ADAMTS14: variants seen among roughly 807,000 people sequenced by gnomAD.
ADAMTS14 encodes the protein A disintegrin and metalloproteinase with thrombospondin motifs 14.
A neutral mutation model predicts 128.6 loss-of-function variants in ADAMTS14; 100 were observed. The observed-to-expected ratio is 0.78, with a 90% CI of 0.66 to 0.92. The LOEUF is 0.92. Ranked by LOEUF, ADAMTS14 falls within the 40% of genes least tolerant of loss-of-function variation. The pLI is 0.00. For missense variants in ADAMTS14, 1,562 were observed against 1,658.6 expected (o/e 0.94, Z 1.01); for synonymous variants, 665 against 653.8 (o/e 1.02, Z -0.26).
chr10:70,732,450 C>T (rs1018739378), intron 7 of ADAMTS14, 91 bp downstream of exon 7: 2 of 1,227,556 alleles, frequency 1.6e-6, no homozygotes, highest in Non-Finnish European at 2.3e-6. Flanking sequence ...CCCAGCTTGG[C>T]CTGGTTCCAG....
chr10:70,747,814 G>T (rs1842226014), intron 15 of ADAMTS14, among the ~76,000 whole-genome samples: 1 of 152,192 alleles, frequency 6.6e-6, no homozygotes, highest in Non-Finnish European at 1.5e-5. Flanking sequence ...CAGGTTGTGT[G>T]ATTATACAGG....
At chr10:70,706,485 CCCCTCCCCTGCTGGGGGCTG>C (rs1840671606) in intron 3 of ADAMTS14, among the ~76,000 whole-genome samples, 1 of 152,214 alleles carries the variant, frequency 6.6e-6, no homozygotes, top group Non-Finnish European at 1.5e-5. Context: ...CTTGCGCCTT[CCCCTCCCCTGCTGGGGGCTG>C]CCCTCCTCTC....
Position 70,733,994 on chromosome 10 carries a change from C to T in ADAMTS14, c.1318C>T (p.Arg440Cys), listed in dbSNP as rs141442936. ...QAAFHRFHWS[R>C]CSKLELSRYL... Reference sequence around the variant, plus strand: ...TGCCTTCCACCGCTTCCATTGGTCCCGCTGCAGCAAGCTGGAGCTCAGCCG... The same window carrying T: ...TGCCTTCCACCGCTTCCATTGGTCCTGCTGCAGCAAGCTGGAGCTCAGCCG... Residue 440 changes from arginine to cysteine, a missense_variant, in exon 8 of 22, where the codon CGC (arginine) becomes TGC (cysteine). Physicochemically the swap from Arg to Cys is radical, Grantham distance 180. Coordinates refer to ENST00000373207, the MANE Select transcript of ADAMTS14 (RefSeq NM_080722.4). The T allele has an allele frequency of 5.5e-5, 88 of 1,613,786 alleles. No individual in the cohort carries two copies. Among genetic ancestry groups the T allele is most frequent in the South Asian group, 4.5e-4 (41 of 91,076 alleles).
chr10:70,705,320 C>T (rs994300814), intron 3 of ADAMTS14, among the ~76,000 whole-genome samples: 2 of 152,190 alleles, frequency 1.3e-5, no homozygotes, highest in African/African-American at 4.8e-5. Flanking sequence ...TCTGGAGCCC[C>T]GTTCCCACCC....
At chr10:70,748,963 C>T (rs987048956) in intron 15 of ADAMTS14, among the ~76,000 whole-genome samples, 2 of 152,244 alleles carry the variant, frequency 1.3e-5, no homozygotes, top group Non-Finnish European at 2.9e-5. Context: ...TCCCACCCAC[C>T]TGCCTCCCGG....
At chr10:70,748,463 G>A (rs1009723102) in intron 15 of ADAMTS14, among the ~76,000 whole-genome samples, 2 of 152,180 alleles carry the variant, frequency 1.3e-5, no homozygotes, top group African/African-American at 2.4e-5. Flanking sequence ...GGCAGGAGGC[G>A]AGGGGCATCT....
chr10:70,759,129 T>TTTTTTTTTTTTTTTTTTTTTTTTTGGA (rs1485675752), intron 21 of ADAMTS14, among the ~76,000 whole-genome samples: 1 of 112,612 alleles, frequency 8.9e-6, no homozygotes, highest in Non-Finnish European at 1.9e-5. Flanking sequence ...TCCAATCTTC[T>TTTTTTTTTTTTTTTTTTTTTTTTTGGA]ACTTCTCTGC....
At chr10:70,688,071 C>G (rs866325917) in intron 2 of ADAMTS14, among the ~76,000 whole-genome samples, 1 of 37,642 alleles carries the variant, frequency 2.7e-5, no homozygotes, top group African/African-American at 1.1e-4. Context: ...ACTTCTCAGA[C>G]GGGGCAGCTG....
intron 15 of ADAMTS14, among the ~76,000 whole-genome samples, chr10:70,746,385 CAGAG>C (rs1221808773): frequency 3.9e-5 from 6 of 152,136 alleles, no homozygotes; most frequent in Non-Finnish European, 8.8e-5. Flanking sequence ...AATCCACAGA[CAGAG>C]AGAGAATAGA....
At chr10:70,710,586 G>A (rs1006594609) in intron 4 of ADAMTS14, among the ~76,000 whole-genome samples, 11 of 152,236 alleles carry the variant, frequency 7.2e-5, no homozygotes, top group African/African-American at 2.4e-4. Context: ...ATTGTGCTAC[G>A]GCACTAAGAG....
intron 4 of ADAMTS14, among the ~76,000 whole-genome samples, chr10:70,715,063 TAGG>T (rs1312805086): frequency 6.6e-6 from 1 of 152,044 alleles, no homozygotes; most frequent in East Asian, 1.9e-4. Flanking sequence ...AGTGGGTTTT[TAGG>T]AGAACTAACG....
chr10:70,733,129 C>G (rs2132679804), intron 7 of ADAMTS14, among the ~76,000 whole-genome samples: 1 of 152,312 alleles, frequency 6.6e-6, no homozygotes, highest in Middle Eastern at 3.4e-3. Context: ...GACCTCCTCT[C>G]CACACCTGCA....
At chr10:70,747,028 A>T (rs955020523) in intron 15 of ADAMTS14, among the ~76,000 whole-genome samples, 1 of 152,028 alleles carries the variant, frequency 6.6e-6, no homozygotes, top group African/African-American at 2.4e-5. Context: ...CAAAACACAT[A>T]TCTCTTGGCA....
In ADAMTS14 at chr10:70,760,924, A is replaced by T. The variant is rs1842599447; in HGVS notation, c.*71A>T. 6.7e-7 allele frequency: 1 copy of T among 1,491,036 alleles called. No individual in the cohort carries two copies. The highest frequency in any genetic ancestry group is 1.8e-4 in the Middle Eastern group (1 of 5,554). The allele number at this position is 1,491,036 out of a possible 1,614,324, so 92.4% of individuals were successfully genotyped here. ...CCCCGTGACTCCCAGCTCAGAGGAC[A>T]CACATAGCAGGGCAGGCGCAAGCAC... On this transcript the variant is annotated 3_prime_UTR_variant, in exon 22 of 22. Transcript: ENST00000373207.
intron 15 of ADAMTS14, among the ~76,000 whole-genome samples, chr10:70,745,772 T>G (rs1842161583): frequency 6.6e-6 from 1 of 152,106 alleles, no homozygotes; most frequent in African/African-American, 2.4e-5. Context: ...CTTCTACTTG[T>G]CTTCTTGGAC....
Position 70,708,730 on chromosome 10 carries a change from C to T in ADAMTS14, c.822C>T (p.Phe274=). 3 of 1,613,084 alleles carry T rather than the reference C, an allele frequency of 1.9e-6. No individual in the cohort carries two copies. The South Asian group carries it at 3.3e-5, about 18-fold the overall frequency. ...LLVVDDSVVR[F]HGKEHVQNYV... ...TGGTGGACGACTCGGTGGTTCGCTTCCATGGCAAGGAGCATGTGCAGAACT... is the reference window on the plus strand; with the variant it reads ...TGGTGGACGACTCGGTGGTTCGCTTTCATGGCAAGGAGCATGTGCAGAACT... Residue 274 remains phenylalanine, a synonymous_variant, in exon 4 of 22, where the codon TTC becomes TTT. Transcript: ENST00000373207.
rs1389810508 is a variant in ADAMTS14, at chr10:70,672,630, G to A, written c.-173G>A. Among the ~76,000 whole-genome samples the A allele has an allele frequency of 6.6e-6, 1 of 151,746 alleles. No individual in the cohort carries two copies. The highest frequency in any genetic ancestry group is 2.4e-5 in the African/African-American group (1 of 41,396). The stretch of plus-strand genomic sequence containing the variant: ...CCAGCGGTCCAGGCGGCGGCGCCGC[G>A]CAGGGGACCCGGAGCAGGCGGGAGG... On this transcript the variant is annotated 5_prime_UTR_variant, in exon 1 of 22. Transcript: ENST00000373207.
At chr10:70,726,387 G>T (rs888568831) in intron 4 of ADAMTS14, among the ~76,000 whole-genome samples, 1 of 152,266 alleles carries the variant, frequency 6.6e-6, no homozygotes, top group African/African-American at 2.4e-5. Flanking sequence ...AGAAAGACAC[G>T]TGGAGGAAGG....
intron 2 of ADAMTS14, among the ~76,000 whole-genome samples, chr10:70,683,365 C>T (rs756503477): frequency 2.0e-5 from 3 of 152,168 alleles, no homozygotes; most frequent in Non-Finnish European, 2.9e-5. Flanking sequence ...TTGCAGCACA[C>T]GAAACAAGAA....
Sources: gnomAD v4.1 joint callset for allele counts (sites outside exome capture counted in the v4.1 genomes callset) on GRCh38, gnomAD v4.1.1 for gene constraint, MANE v1.5 for transcripts, NCBI Gene and HGNC (gene_info 2026-07-23, HGNC 2026-07-21) for gene names.